WHRN: variants seen among roughly 807,000 people sequenced by gnomAD.
WHRN encodes the protein whirlin, also known as CASK-interacting protein CIP98.
WHRN carries 41 observed loss-of-function variants against 68.3 expected under a neutral mutation model. The ratio of observed to expected loss-of-function variants is 0.60; its 90% CI spans 0.47 to 0.78. WHRN has a LOEUF of 0.78. WHRN is among the 30% of genes least tolerant of loss of function. The pLI is 0.00. For missense variants in WHRN, 1,243 were observed against 1,244.7 expected (o/e 1.00, Z 0.02); for synonymous variants, 560 against 561.3 (o/e 1.00, Z 0.03).
chr9:114,461,797 A>AT (rs1363018283), intron 3 of WHRN, among the ~76,000 whole-genome samples: 3 of 152,172 alleles, frequency 2.0e-5, no homozygotes, highest in Admixed American at 6.5e-5. Context: ...CATACACTCA[A>AT]TTGGTTCCAT....
intron 3 of WHRN, among the ~76,000 whole-genome samples, chr9:114,445,144 C>A (rs1286436882): frequency 2.0e-5 from 3 of 151,958 alleles, no homozygotes; most frequent in Non-Finnish European, 4.4e-5. Context: ...TGGGTTCAAG[C>A]GATTCTTGTG....
chr9:114,484,429 C>G (rs1842328283), intron 1 of WHRN, among the ~76,000 whole-genome samples: 1 of 152,252 alleles, frequency 6.6e-6, no homozygotes, highest in Non-Finnish European at 1.5e-5. Flanking sequence ...CTTCTGTTTT[C>G]TCTCCTGCAA....
At chr9:114,474,547 C>G (rs1564199786) in intron 2 of WHRN, among the ~76,000 whole-genome samples, 1 of 152,154 alleles carries the variant, frequency 6.6e-6, no homozygotes, top group Non-Finnish European at 1.5e-5. Flanking sequence ...TCTCTCTAAC[C>G]TCTGGATACT....
Position 114,478,563 on chromosome 9 carries a change from T to C in WHRN, c.827A>G (p.Asp276Gly), listed in dbSNP as rs143202640. 14 of 1,613,930 alleles carry C rather than the reference T, an allele frequency of 8.7e-6. No homozygotes were observed. The highest frequency in any genetic ancestry group is 1.2e-5 in the Non-Finnish European group (14 of 1,179,960). ...CCCCACCCCACTCACCTTTTTCTCA[T>C]CCCCTCCTTGCAGGAGGTGCAGGGT... ...RSTLHLLQGG[D>G]EKKVNLVLGD... is the part of the protein sequence containing the mutation. Residue 276 changes from aspartate (D) to glycine (G), a missense_variant, in exon 2 of 12, where the codon GAT becomes GGT. Transcript: ENST00000362057.
At chr9:114,478,172 C>T in intron 2 of WHRN, 1 of 606,616 alleles carries the variant, frequency 1.6e-6, no homozygotes, top group South Asian at 2.0e-5. Context: ...CCTGTAATCC[C>T]AGCTACTCAG....
At chr9:114,420,886 T>C (rs10739412) in intron 7 of WHRN, among the ~76,000 whole-genome samples, 43,028 of 151,728 alleles carry the variant, frequency 0.28, 6,166 homozygotes, top group East Asian at 0.37. Flanking sequence ...AGTATCACTG[T>C]CCCTCTGCAA....
intron 1 of WHRN, among the ~76,000 whole-genome samples, chr9:114,496,290 C>G (rs957945082): frequency 6.6e-6 from 1 of 152,146 alleles, no homozygotes; most frequent in African/African-American, 2.4e-5. Context: ...CCTCACAGAT[C>G]ATCAGAAGGG....
chr9:114,467,447 G>A (rs572400009), intron 2 of WHRN, among the ~76,000 whole-genome samples: 320 of 151,440 alleles, frequency 2.1e-3, no homozygotes, highest in African/African-American at 7.3e-3. Flanking sequence ...CCTGACTGGC[G>A]TGGGGGGGTG....
chr9:114,493,738 A>G (rs1240288936), intron 1 of WHRN, among the ~76,000 whole-genome samples: 2 of 152,244 alleles, frequency 1.3e-5, no homozygotes, highest in Non-Finnish European at 2.9e-5. Flanking sequence ...CAAAAAGGAA[A>G]AAGTGCCCAA....
intron 7 of WHRN, among the ~76,000 whole-genome samples, chr9:114,413,287 A>T (rs978241032): frequency 3.6e-4 from 55 of 152,262 alleles, no homozygotes; most frequent in African/African-American, 1.2e-3. Flanking sequence ...AGAGCAATGT[A>T]GAGAAACTGA....
chr9:114,465,199 A>G (rs1840577192), intron 3 of WHRN, among the ~76,000 whole-genome samples: 1 of 152,176 alleles, frequency 6.6e-6, no homozygotes, highest in East Asian at 1.9e-4. Context: ...TCTGTACTCC[A>G]GCCTGTCTGC....
intron 3 of WHRN, among the ~76,000 whole-genome samples, chr9:114,432,219 G>C (rs1383761753): frequency 6.6e-6 from 1 of 152,164 alleles, no homozygotes; most frequent in Non-Finnish European, 1.5e-5. Context: ...ACTTTGAGAA[G>C]AGCACGGCGG....
At chr9:114,448,556 G>A (rs534695250) in intron 3 of WHRN, among the ~76,000 whole-genome samples, 24 of 152,210 alleles carry the variant, frequency 1.6e-4, no homozygotes, top group Non-Finnish European at 3.1e-4. Flanking sequence ...CCCAGCTGAG[G>A]GATACTCTGT....
intron 2 of WHRN, among the ~76,000 whole-genome samples, chr9:114,474,317 T>A (rs1231429541): frequency 6.6e-6 from 1 of 152,238 alleles, no homozygotes; most frequent in East Asian, 1.9e-4. Context: ...CACCTTCTTT[T>A]TCATGGTCTT....
intron 7 of WHRN, among the ~76,000 whole-genome samples, chr9:114,420,880 T>C (rs554288580): frequency 2.0e-5 from 3 of 152,042 alleles, no homozygotes; most frequent in Non-Finnish European, 4.4e-5. Flanking sequence ...GGAAGTAGTA[T>C]CACTGTCCCT....
chr9:114,462,295 T>C (rs1840311273), intron 3 of WHRN, among the ~76,000 whole-genome samples: 3 of 152,168 alleles, frequency 2.0e-5, no homozygotes, highest in Non-Finnish European at 4.4e-5. Context: ...CCATTTTCCT[T>C]CGCCCCAATT....
At chr9:114,463,359 C>T (rs1271480071) in intron 3 of WHRN, among the ~76,000 whole-genome samples, 1 of 152,218 alleles carries the variant, frequency 6.6e-6, no homozygotes, top group Non-Finnish European at 1.5e-5. Context: ...TTCCTTCTCC[C>T]CAGTCTCCTC....
Position 114,504,525 on chromosome 9 carries a change from T to G in WHRN, c.277A>C (p.Met93Leu). The G allele has an allele frequency of 6.2e-7, 1 of 1,610,206 alleles. No homozygotes were observed. The highest frequency in any genetic ancestry group is 8.5e-7 in the Non-Finnish European group (1 of 1,179,788). Reference sequence around the variant, plus strand: ...GAGCGCGGGATGACCAGACGAAGCATGGGCAGCAGGCGCCGCTTGACCGGA... The same window carrying G: ...GAGCGCGGGATGACCAGACGAAGCAGGGGCAGCAGGCGCCGCTTGACCGGA... ...DSPVKRRLLP[M>L]LRLVIPRSDQ... is the part of the protein sequence containing the mutation. Residue 93 changes from methionine to leucine, a missense_variant, in exon 1 of 12, where the codon ATG (methionine) becomes CTG (leucine). Coordinates refer to ENST00000362057, the MANE Select transcript of WHRN (RefSeq NM_015404.4).
Position 114,423,344 on chromosome 9 carries a change from G to A in WHRN, c.1596C>T (p.His532=), listed in dbSNP as rs775240892. The A allele has an allele frequency of 3.0e-5, 48 of 1,613,822 alleles. No individual in the cohort carries two copies. Among genetic ancestry groups the A allele is most frequent in the Non-Finnish European group, 3.6e-5 (42 of 1,179,932 alleles). ...YSDTGSSTGS[H]GTSTTVSSAR... Reference sequence around the variant, plus strand: ...CCGAGCTGACGGTGGTGGAGGTGCCGTGGCTGCCTGTGGATGAACCCGTGT... The same window carrying A: ...CCGAGCTGACGGTGGTGGAGGTGCCATGGCTGCCTGTGGATGAACCCGTGT... The change falls in exon 7 of 12, where the codon CAC becomes CAT. Residue 532 remains histidine, a synonymous_variant. Coordinates refer to ENST00000362057, the MANE Select transcript of WHRN (RefSeq NM_015404.4).
Sources: allele counts gnomAD v4.1 joint callset (sites outside exome capture counted in the v4.1 genomes callset), GRCh38; gene constraint gnomAD v4.1.1; transcripts MANE v1.5; gene names NCBI Gene and HGNC (gene_info 2026-07-23, HGNC 2026-07-21).